EPS15: variants seen among roughly 807,000 people sequenced by gnomAD.
EPS15 encodes epidermal growth factor receptor substrate 15.
Under a neutral mutation model 113.8 loss-of-function variants are expected in EPS15, and 72 were observed. The observed-to-expected ratio is 0.63, with a 90% CI of 0.52 to 0.77. The LOEUF is 0.77. EPS15 is among the 30% of genes least tolerant of loss of function. The pLI is 0.00. For synonymous variants in EPS15, 344 were observed against 363.4 expected, an observed-to-expected ratio of 0.95 and a Z score of 0.61; for missense variants, 1,048 against 1,045.8, an observed-to-expected ratio of 1.00 and a Z score of -0.03.
intron 1 of EPS15, among the ~76,000 whole-genome samples, chr1:51,491,443 T>C (rs772767172): frequency 5.3e-5 from 8 of 152,198 alleles, no homozygotes; most frequent in South Asian, 2.1e-4. Flanking sequence ...CATAGGTTTA[T>C]AGTTTGCAAG....
At chr1:51,486,134 C>T (rs1644117093) in intron 1 of EPS15, among the ~76,000 whole-genome samples, 1 of 151,102 alleles carries the variant, frequency 6.6e-6, no homozygotes, top group Non-Finnish European at 1.5e-5. Context: ...AAGAAAATTA[C>T]AGGCCAGGCA....
At position 51,399,144 on chromosome 1, in the gene EPS15, A is replaced by C; in HGVS notation, c.1940T>G (p.Phe647Cys). 1 of 1,614,000 alleles carries C rather than the reference A, an allele frequency of 6.2e-7. No homozygotes were observed. ...TGATGCAAATGGATCTGAACCTTTG[A>C]AAGGATCACCACCAAATGGATCTAA... ...GKIDPFGGDP[F>C]KGSDPFASDC... Residue 647 changes from phenylalanine to cysteine, a missense_variant, in exon 20 of 25, where the codon TTC becomes TGC. By Grantham distance (205) the Phe-to-Cys change is radical. Coordinates refer to ENST00000371733, the MANE Select transcript of EPS15 (RefSeq NM_001981.3).
intron 6 of EPS15, among the ~76,000 whole-genome samples, chr1:51,464,039 G>C (rs996252993): frequency 7.9e-5 from 12 of 152,084 alleles, no homozygotes; most frequent in African/African-American, 2.9e-4. Flanking sequence ...TCTTTTTGTA[G>C]CTGGAACACC....
At chr1:51,488,874 T>A (rs1247184639) in intron 1 of EPS15, among the ~76,000 whole-genome samples, 1 of 152,202 alleles carries the variant, frequency 6.6e-6, no homozygotes, top group Non-Finnish European at 1.5e-5. Context: ...ACTCCGAGGA[T>A]GTGCATCTAA....
At chr1:51,501,520 C>T (rs1644414368) in intron 1 of EPS15, among the ~76,000 whole-genome samples, 2 of 151,856 alleles carry the variant, frequency 1.3e-5, no homozygotes. Context: ...TGCTCTGTCA[C>T]CCAGGCTGGA....
chr1:51,434,086 C>CT (rs1651949019), intron 12 of EPS15, among the ~76,000 whole-genome samples: 1 of 152,148 alleles, frequency 6.6e-6, no homozygotes, highest in Non-Finnish European at 1.5e-5. Context: ...TATACATGTT[C>CT]TTTTTTTCTG....
At chr1:51,372,325 A>G (rs1646676548) in intron 21 of EPS15, 4 of 530,250 alleles carry the variant, frequency 7.5e-6, no homozygotes, top group Admixed American at 4.0e-5. Context: ...AGTGTGGTGG[A>G]TCATTTCAAC....
At chr1:51,493,528 TTAAATAAA>T (rs200731991) in intron 1 of EPS15, among the ~76,000 whole-genome samples, 6,121 of 133,358 alleles carry the variant, frequency 0.046, 169 homozygotes, top group African/African-American at 0.069. Context: ...CAGTCTCAAA[TTAAATAAA>T]TAAATAAATA....
chr1:51,446,453 C>CTTTTT (rs370161989), intron 10 of EPS15, among the ~76,000 whole-genome samples: 1 of 132,252 alleles, frequency 7.6e-6, no homozygotes. Context: ...CACTGTCATT[C>CTTTTT]TTTTTTTTTT....
rs745757925 is a variant in EPS15 at position 51,508,338 on chromosome 1, G to GAAAGAGAGAA, written c.33+10860_33+10861insTTCTCTCTTT. Among the ~76,000 whole-genome samples the GAAAGAGAGAA allele has an allele frequency of 5.6e-4, 69 of 122,314 alleles. 1 individual carries two copies. Among genetic ancestry groups the GAAAGAGAGAA allele is most frequent in the East Asian group, 1.9e-3 (8 of 4,280 alleles). 80.2% of individuals were successfully genotyped at this position (122,314 alleles called of 152,430 possible). A position where few individuals can be genotyped will look rare whatever the true frequency, so the allele number is the denominator to read the frequency against. The stretch of plus-strand genomic sequence containing the variant: ...AGAGAGAAAGAGAGAAAGAGAAAGA[G>GAAAGAGAGAA]AGAAAGAAAGAAAGAAAGAAAGAAA... On this transcript the variant is annotated intron_variant, in intron 1 of 24. Coordinates refer to ENST00000371733, the MANE Select transcript of EPS15 (RefSeq NM_001981.3).
At chr1:51,512,514 T>G (rs1354626546) in intron 1 of EPS15, among the ~76,000 whole-genome samples, 1 of 151,588 alleles carries the variant, frequency 6.6e-6, no homozygotes, top group African/African-American at 2.4e-5. Context: ...GAGAAAAAAA[T>G]TTTGCAAAGG....
At chr1:51,409,407 T>C (rs1008759269) in intron 14 of EPS15, 128 bp downstream of exon 14, 35 of 810,302 alleles carry the variant, frequency 4.3e-5, no homozygotes, top group African/African-American at 8.6e-5. Context: ...ATCGCCCCCA[T>C]GAACCCAAAT....
chr1:51,465,172 T>C, intron 6 of EPS15, 89 bp downstream of exon 6: 1 of 773,520 alleles, frequency 1.3e-6, no homozygotes, highest in South Asian at 1.9e-5. Context: ...TATGAAAGTC[T>C]AATGAAGATA....
At chr1:51,378,396 C>T (rs943620627) in intron 21 of EPS15, among the ~76,000 whole-genome samples, 1 of 152,054 alleles carries the variant, frequency 6.6e-6, no homozygotes, top group African/African-American at 2.4e-5. Flanking sequence ...GCGGCTCACA[C>T]CTGTAATCCT....
chr1:51,424,790 C>G (rs554150920), intron 12 of EPS15, among the ~76,000 whole-genome samples: 19 of 152,132 alleles, frequency 1.2e-4, no homozygotes, highest in African/African-American at 4.1e-4. Context: ...GTAGTCCCAG[C>G]TACTGAGGAG....
intron 18 of EPS15, among the ~76,000 whole-genome samples, 187 bp downstream of exon 18, chr1:51,402,248 G>A (rs564388678): frequency 6.6e-6 from 1 of 152,292 alleles, no homozygotes; most frequent in Admixed American, 6.5e-5. Flanking sequence ...TCAAGAGGCT[G>A]AGACAGGAGA....
intron 21 of EPS15, among the ~76,000 whole-genome samples, chr1:51,368,317 C>T (rs895354945): frequency 3.3e-5 from 5 of 152,008 alleles, no homozygotes; most frequent in African/African-American, 7.2e-5. Context: ...CCAAACATTT[C>T]GTCACCAAGA....
intron 1 of EPS15, among the ~76,000 whole-genome samples, chr1:51,493,577 TA>T (rs1202618612): frequency 7.5e-6 from 1 of 132,974 alleles, no homozygotes; most frequent in African/African-American, 2.7e-5. Context: ...AATAAATAAA[TA>T]AAAATAAAGC....
At chr1:51,411,911 T>C (rs1395482226) in intron 13 of EPS15, among the ~76,000 whole-genome samples, 2 of 152,222 alleles carry the variant, frequency 1.3e-5, no homozygotes, top group Non-Finnish European at 2.9e-5. Context: ...TGCACACGTA[T>C]GTTTATTGCA....
Sources: gnomAD v4.1 joint callset for allele counts (sites outside exome capture counted in the v4.1 genomes callset) on GRCh38, gnomAD v4.1.1 for gene constraint, MANE v1.5 for transcripts, NCBI Gene and HGNC (gene_info 2026-07-23, HGNC 2026-07-21) for gene names.